The following NAV2 variants were observed in gnomAD, a reference collection of about 807,000 sequenced individuals.
NAV2 encodes neuron navigator 2, also known as helicase, APC down-regulated 1.
Under a neutral mutation model 223.2 loss-of-function variants are expected in NAV2, and 54 were observed. The ratio of observed to expected loss-of-function variants is 0.24; its 90% CI spans 0.19 to 0.30. The LOEUF (loss-of-function observed/expected upper bound fraction) is 0.30, where lower values mean the gene tolerates loss of function less well. Ranked by LOEUF, NAV2 falls within the 10% of genes least tolerant of loss-of-function variation. The pLI, the probability that NAV2 is intolerant of heterozygous loss-of-function variation, is 1.00. For missense variants in NAV2, 2,806 were observed against 3,147.5 expected, an observed-to-expected ratio of 0.89 and a Z score of 2.60; for synonymous variants, 1,279 against 1,239.3, an observed-to-expected ratio of 1.03 and a Z score of -0.67.
intron 1 of NAV2, among the ~76,000 whole-genome samples, chr11:19,739,554 G>A (rs11822942): frequency 1.1e-4 from 17 of 152,138 alleles, no homozygotes; most frequent in Admixed American, 1.0e-3. Flanking sequence ...ATGGCCCTCA[G>A]ACTGAATCAG....
intron 1 of NAV2, among the ~76,000 whole-genome samples, chr11:19,639,641 C>T (rs1221834110): frequency 6.6e-6 from 1 of 152,112 alleles, no homozygotes; most frequent in East Asian, 1.9e-4. Context: ...AAAAACAACC[C>T]CATTGCCGAT....
chr11:20,034,876 G>A (rs538072702), intron 11 of NAV2, among the ~76,000 whole-genome samples: 8 of 152,122 alleles, frequency 5.3e-5, no homozygotes, highest in South Asian at 4.1e-4. Flanking sequence ...CAGAAAGAGG[G>A]ACAAGCAACA....
At chr11:19,871,448 G>A (rs1259816708) in intron 4 of NAV2, among the ~76,000 whole-genome samples, 2 of 152,114 alleles carry the variant, frequency 1.3e-5, no homozygotes, top group African/African-American at 2.4e-5. Flanking sequence ...GCAGCACAGA[G>A]GAAGCAGAGT....
chr11:19,820,613 G>A (rs1228253722), intron 1 of NAV2, among the ~76,000 whole-genome samples: 14 of 152,228 alleles, frequency 9.2e-5, no homozygotes, highest in African/African-American at 2.7e-4. Context: ...GGTGGTAGCC[G>A]TGAGGCTGGT....
chr11:19,432,436 G>A (rs1175746693), intron 1 of NAV2, among the ~76,000 whole-genome samples: 1 of 152,212 alleles, frequency 6.6e-6, no homozygotes, highest in Admixed American at 6.5e-5. Flanking sequence ...GTGATTAAGG[G>A]AAAAGATCAT....
intron 1 of NAV2, among the ~76,000 whole-genome samples, chr11:19,699,129 C>T (rs1201469714): frequency 6.6e-6 from 1 of 152,180 alleles, no homozygotes; most frequent in Non-Finnish European, 1.5e-5. Context: ...ACAAGAAGCA[C>T]AGTCAGGAAT....
At position 19,951,087 on chromosome 11, in the gene NAV2, A is replaced by C. The variant is rs144203938; in HGVS notation, c.2645+2007A>C. 3.6e-3 allele frequency among the ~76,000 whole-genome samples: 547 copies of C among 152,302 alleles called. 2 individuals are homozygous for C. Among genetic ancestry groups the C allele is most frequent in the African/African-American group, 0.012 (512 of 41,572 alleles). ...CTTCACACAGAAAGGAAGAGGGAAAATTAGAATAATGTTTGGAGGTTTTAT... is the reference window on the plus strand; with the variant it reads ...CTTCACACAGAAAGGAAGAGGGAAACTTAGAATAATGTTTGGAGGTTTTAT... On this transcript the variant is annotated intron_variant, in intron 10 of 37. Coordinates refer to ENST00000349880, the MANE Select transcript of NAV2 (RefSeq NM_145117.5).
chr11:19,867,319 G>A (rs1217310643), intron 3 of NAV2, among the ~76,000 whole-genome samples: 2 of 152,152 alleles, frequency 1.3e-5, no homozygotes, highest in African/African-American at 4.8e-5. Context: ...GTATAACAGG[G>A]AAGAGGACCT....
At chr11:19,478,595 G>C (rs1254170806) in intron 1 of NAV2, among the ~76,000 whole-genome samples, 1 of 152,218 alleles carries the variant, frequency 6.6e-6, no homozygotes, top group Non-Finnish European at 1.5e-5. Context: ...ATGTGTTTGT[G>C]AGTTCTTGCT....
At chr11:19,831,234 G>GC (rs1411580107) in intron 1 of NAV2, among the ~76,000 whole-genome samples, 1 of 109,630 alleles carries the variant, frequency 9.1e-6, no homozygotes, top group Non-Finnish European at 1.9e-5. Flanking sequence ...GGGGGGGGGG[G>GC]GGGCGCGATG....
At chr11:19,346,509 G>A (rs1359106412), upstream of NAV2, among the ~76,000 whole-genome samples, 1 of 152,246 alleles carries the variant, frequency 6.6e-6, no homozygotes, top group East Asian at 1.9e-4. Flanking sequence ...TGTGCGCTCC[G>A]CTGAGCCGGC....
chr11:19,849,018 C>T (rs2060965186), intron 3 of NAV2, among the ~76,000 whole-genome samples: 1 of 152,068 alleles, frequency 6.6e-6, no homozygotes, highest in Non-Finnish European at 1.5e-5. Context: ...GCAGGGTTAC[C>T]ATGAGATTTT....
At chr11:19,430,638 T>C (rs935919226) in intron 1 of NAV2, among the ~76,000 whole-genome samples, 1 of 152,246 alleles carries the variant, frequency 6.6e-6, no homozygotes, top group Non-Finnish European at 1.5e-5. Flanking sequence ...TTTCTCACTT[T>C]GGCCTGCTTC....
intron 6 of NAV2, among the ~76,000 whole-genome samples, chr11:19,914,970 C>T (rs536026573): frequency 2.0e-5 from 3 of 152,198 alleles, no homozygotes; most frequent in Non-Finnish European, 4.4e-5. Flanking sequence ...CCCTTCTCCT[C>T]TCCTTTCTAC....
chr11:19,453,053 G>T (rs1445173565), intron 1 of NAV2, among the ~76,000 whole-genome samples: 2 of 152,196 alleles, frequency 1.3e-5, no homozygotes, highest in Non-Finnish European at 2.9e-5. Context: ...CACATGGCTG[G>T]TAAGTGCGAG....
intron 1 of NAV2, among the ~76,000 whole-genome samples, chr11:19,757,095 G>C (rs1277404337): frequency 6.6e-6 from 1 of 152,192 alleles, no homozygotes; most frequent in Admixed American, 6.5e-5. Context: ...GATAAAGCCT[G>C]TGGTGACCAC....
chr11:19,712,691 C>A (rs1246859137), upstream of NAV2: 1 of 152,126 alleles, frequency 6.6e-6, no homozygotes, highest in Admixed American at 6.5e-5. Flanking sequence ...CAAGCGCGGC[C>A]CCAGAGTTTC....
intron 1 of NAV2, among the ~76,000 whole-genome samples, chr11:19,784,412 A>T (rs890698034): frequency 6.7e-6 from 1 of 149,588 alleles, no homozygotes; most frequent in African/African-American, 2.5e-5. Context: ...AAAAAAAAAA[A>T]AAAAGAGGGG....
intron 1 of NAV2, among the ~76,000 whole-genome samples, chr11:19,688,137 C>G (rs2049074474): frequency 1.3e-5 from 2 of 152,202 alleles, no homozygotes; most frequent in Non-Finnish European, 2.9e-5. Flanking sequence ...GGCTCATTAT[C>G]AAGCTGAAGT....
Sources: gnomAD v4.1 joint callset for allele counts (sites outside exome capture counted in the v4.1 genomes callset) on GRCh38, gnomAD v4.1.1 for gene constraint, MANE v1.5 for transcripts, NCBI Gene and HGNC (gene_info 2026-07-23, HGNC 2026-07-21) for gene names.